Variants in FANCD2OS observed in about 807,000 individuals in gnomAD.
FANCD2OS encodes the protein FANCD2 opposite strand protein.
A neutral mutation model predicts 13.2 loss-of-function variants in FANCD2OS; 11 were observed. That is an observed-to-expected ratio of 0.83 (90% confidence interval 0.52 to 1.38). The LOEUF is 1.38. Among genes scored for constraint, FANCD2OS ranks in the 40% most tolerant of loss-of-function variants. The pLI is 0.00. For synonymous variants in FANCD2OS, 69 were observed against 84.5 expected (o/e 0.82, Z 1.01); for missense variants, 217 against 213.9 (o/e 1.01, Z -0.09).
Position 10,104,173 on chromosome 3 carries a change from G to T in FANCD2OS, c.*68C>A. On this transcript the variant is annotated 3_prime_UTR_variant, in exon 2 of 2. Transcript: ENST00000450660. ...GTCACAGTTTCATTTACATGGACAG[G>T]TTTCTGTAAGCTTTAGGTACATACC... is the stretch of plus-strand genomic sequence containing the variant. 1 of 1,384,182 alleles carries T rather than the reference G, an allele frequency of 7.2e-7. No homozygotes were observed. Among genetic ancestry groups the T allele is most frequent in the Non-Finnish European group, 9.8e-7 (1 of 1,021,274 alleles). 85.7% of individuals were successfully genotyped at this position (1,384,182 alleles called of 1,614,324 possible).
Position 10,104,613 on chromosome 3 carries a change from C to T in FANCD2OS, c.162G>A (p.Glu54=), listed in dbSNP as rs772210855. The part of the protein sequence containing the change: ...SDLEVQLCFQ[E]VTLVLDSPFL... ...ATGGGCTGTCTAGGACTAGAGTGAC[C>T]TCTTGAAAGCACAGCTGCACTTCAA... Residue 54 remains glutamate, a synonymous_variant, in exon 2 of 2, where the codon GAG becomes GAA. Coordinates refer to ENST00000450660, the MANE Select transcript of FANCD2OS (RefSeq NM_001164839.2). 3.1e-6 allele frequency: 5 copies of T among 1,614,036 alleles called. No individual in the cohort carries two copies. Among genetic ancestry groups the T allele is most frequent in the East Asian group, 4.5e-5 (2 of 44,896 alleles).
chr3:10,105,772 T>TTATATATATA (rs574690780), intron 1 of FANCD2OS, among the ~76,000 whole-genome samples: 12 of 22,634 alleles, frequency 5.3e-4, no homozygotes, highest in Admixed American at 1.3e-3. Context: ...AAAAAAAAAA[T>TTATATATATA]TATATATATA....
downstream of FANCD2OS, chr3:10,101,306 G>A (rs188403544): frequency 2.1e-6 from 3 of 1,407,660 alleles, no homozygotes; most frequent in African/African-American, 2.8e-5. Flanking sequence ...CTGCCAGCCT[G>A]TGATCATTTT....
chr3:10,103,877 C>A, downstream of FANCD2OS: 1 of 194,064 alleles, frequency 5.2e-6, no homozygotes, highest in South Asian at 1.3e-4. Flanking sequence ...CATAGAAATC[C>A]ATACATCTTT....
intron 1 of FANCD2OS, among the ~76,000 whole-genome samples, chr3:10,106,253 A>G (rs1272283094): frequency 3.3e-5 from 5 of 152,134 alleles, no homozygotes; most frequent in African/African-American, 1.2e-4. Context: ...TTTTCCATCT[A>G]TGGAAGACCT....
rs1181806373 is a variant in FANCD2OS, at chr3:10,108,219, C to T, written c.-213G>A. 1 of 152,246 alleles carries T rather than the reference C, an allele frequency of 6.6e-6. No individual in the cohort carries two copies. The highest frequency in any genetic ancestry group is 2.4e-5 in the African/African-American group (1 of 41,454). 9.4% of individuals were successfully genotyped at this position (152,246 alleles called of 1,614,324 possible). ...GATGCGGTGGGAACCTGGGCCCAGT[C>T]CCACCATCCGGGCCCGGGGCTCACC... On this transcript the variant is annotated 5_prime_UTR_variant, in exon 1 of 2. Coordinates refer to ENST00000450660, the MANE Select transcript of FANCD2OS (RefSeq NM_001164839.2).
At chr3:10,089,836 G>C (rs972907730) in intron 2 of FANCD2OS, among the ~76,000 whole-genome samples, 1 of 152,148 alleles carries the variant, frequency 6.6e-6, no homozygotes, top group Admixed American at 6.5e-5. Flanking sequence ...GTGTGTCTCA[G>C]AATATCAATA....
intron 2 of FANCD2OS, among the ~76,000 whole-genome samples, chr3:10,096,681 C>T (rs1036926818): frequency 6.6e-6 from 1 of 152,120 alleles, no homozygotes; most frequent in South Asian, 2.1e-4. Context: ...AGCAAGGCAC[C>T]AAAACATGCC....
intron 1 of FANCD2OS, 78 bp from the exon 2 acceptor site, chr3:10,104,860 T>A (rs1695427657): frequency 1.5e-6 from 2 of 1,299,152 alleles, no homozygotes; most frequent in Non-Finnish European, 2.1e-6. Context: ...TTCCCATCTC[T>A]GTCTCACTAT....
intron 2 of FANCD2OS, chr3:10,088,377 C>A: frequency 1.1e-6 from 1 of 940,568 alleles, no homozygotes; most frequent in Non-Finnish European, 1.8e-6. Context: ...AATAATCATC[C>A]TCAAAAACCT....
chr3:10,102,887 C>A, downstream of FANCD2OS: 1 of 171,050 alleles, frequency 5.8e-6, no homozygotes, highest in South Asian at 1.1e-4. Context: ...AATAAAAAAG[C>A]AGCATCAAAC....
At chr3:10,089,896 A>G (rs1371662252) in intron 2 of FANCD2OS, among the ~76,000 whole-genome samples, 1 of 152,230 alleles carries the variant, frequency 6.6e-6, no homozygotes, top group Non-Finnish European at 1.5e-5. Context: ...CTTTCACTTT[A>G]TCTCATTTGA....
At chr3:10,092,298 A>C in intron 2 of FANCD2OS, 1 of 1,423,152 alleles carries the variant, frequency 7.0e-7, no homozygotes, top group Non-Finnish European at 9.9e-7. Context: ...TAACTGCAGA[A>C]ACCAAGTGTC....
chr3:10,108,275 GTGGCGGCCGCTGTTCGTGGCGCC>G (rs907567601), upstream of FANCD2OS: 1 of 152,302 alleles, frequency 6.6e-6, no homozygotes, highest in African/African-American at 2.4e-5. Context: ...ACGCTCCAAA[GTGGCGGCCGCTGTTCGTGGCGCC>G]TGGCAACCGC....
chr3:10,100,272 A>C (rs932939406), downstream of FANCD2OS, among the ~76,000 whole-genome samples: 1 of 152,196 alleles, frequency 6.6e-6, no homozygotes, highest in Non-Finnish European at 1.5e-5. Flanking sequence ...GGCAGACAAT[A>C]TCCTATTAGT....
intron 2 of FANCD2OS, among the ~76,000 whole-genome samples, chr3:10,091,901 T>C (rs567502367): frequency 6.6e-6 from 1 of 152,326 alleles, no homozygotes; most frequent in East Asian, 1.9e-4. Context: ...GAGACTAGCC[T>C]GGCCAACATG....
intron 2 of FANCD2OS, among the ~76,000 whole-genome samples, chr3:10,093,848 C>A (rs1694797971): frequency 6.6e-6 from 1 of 152,194 alleles, no homozygotes; most frequent in Non-Finnish European, 1.5e-5. Context: ...ATCTCCTGGT[C>A]ACTCTCCCTT....
downstream of FANCD2OS, chr3:10,101,140 C>G (rs775919604): frequency 9.4e-6 from 13 of 1,390,356 alleles, no homozygotes; most frequent in East Asian, 2.7e-4. Flanking sequence ...CAGAGGTCAC[C>G]CAGAGCAGTA....
chr3:10,097,005 G>C (rs1251609458), intron 2 of FANCD2OS, among the ~76,000 whole-genome samples: 1 of 152,090 alleles, frequency 6.6e-6, no homozygotes, highest in Middle Eastern at 3.2e-3. Flanking sequence ...GGGCGTCCGG[G>C]GGAGACATCA....
Sources: gnomAD v4.1 joint callset for allele counts (sites outside exome capture counted in the v4.1 genomes callset) on GRCh38, gnomAD v4.1.1 for gene constraint, MANE v1.5 for transcripts, NCBI Gene and HGNC (gene_info 2026-07-23, HGNC 2026-07-21) for gene names.